Variants in RAB2B observed in about 807,000 individuals in gnomAD.
The protein encoded by RAB2B is RAB2B, member RAS oncogene family.
In RAB2B, 20 loss-of-function variants were observed where a neutral mutation model predicts 29.8. The ratio of observed to expected loss-of-function variants is 0.67; its 90% CI spans 0.47 to 0.97. The LOEUF (loss-of-function observed/expected upper bound fraction) is 0.97, where lower values mean the gene tolerates loss of function less well. Among genes scored for constraint, RAB2B ranks in the 50% least tolerant of loss-of-function variants. The pLI, the probability that RAB2B is intolerant of heterozygous loss-of-function variation, is 0.00. For missense variants in RAB2B, 218 were observed against 272.0 expected (o/e 0.80, Z 1.40); for synonymous variants, 93 against 91.7 (o/e 1.01, Z -0.08).
rs1953986694 is a variant in RAB2B at position 21,468,425 on chromosome 14, G to A, written c.294C>T (p.Thr98=). ...ITRRETFNHL[T]SWLEDARQHS... is the part of the protein sequence containing the mutation. ...GCTGCCGGGCATCCTCTAACCATGAGGTCAGGTGGTTGAAGGTTTCACGCC... is the reference window on the plus strand; with the variant it reads ...GCTGCCGGGCATCCTCTAACCATGAAGTCAGGTGGTTGAAGGTTTCACGCC... The change falls in exon 5 of 8, where the codon ACC becomes ACT. Residue 98 remains threonine, a synonymous_variant. Transcript: ENST00000397762. The A allele has an allele frequency of 6.2e-7, 1 of 1,613,828 alleles. No individual in the cohort carries two copies. Among genetic ancestry groups the A allele is most frequent in the African/African-American group, 1.3e-5 (1 of 74,842 alleles).
Position 21,461,180 on chromosome 14 carries a change from A to G in RAB2B, c.*16T>C, listed in dbSNP as rs1209681939. The G allele has an allele frequency of 1.3e-6, 2 of 1,583,294 alleles. No individual in the cohort carries two copies. The highest frequency in any genetic ancestry group is 1.7e-6 in the Non-Finnish European group (2 of 1,157,644). Reference sequence around the variant, plus strand: ...AAGCTATTCCAGGAAGGACAAAAAAAGTTCAAGCCAGATGTTCAGCAGCAG... The same window carrying G: ...AAGCTATTCCAGGAAGGACAAAAAAGGTTCAAGCCAGATGTTCAGCAGCAG... On this transcript the variant is annotated 3_prime_UTR_variant, in exon 8 of 8. Coordinates refer to ENST00000397762, the MANE Select transcript of RAB2B (RefSeq NM_032846.4).
Position 21,461,091 on chromosome 14 carries a change from C to CTTT in RAB2B, c.*102_*104dup. The CTTT allele has an allele frequency of 1.2e-6, 1 of 822,436 alleles. No individual in the cohort carries two copies. The highest frequency in any genetic ancestry group is 1.7e-5 in the South Asian group (1 of 57,518). 50.9% of individuals were successfully genotyped at this position (822,436 alleles called of 1,614,324 possible). On this transcript the variant is annotated 3_prime_UTR_variant, in exon 8 of 8. Transcript: ENST00000397762. ...TTAGGTGGAAAGGCAAAACATCACA[C>CTTT]TTTAAAAAGAGGCTGCTCTCAGCCA...
chr14:21,461,428 T>A, intron 7 of RAB2B, 125 bp from the exon 8 acceptor site: 1 of 611,974 alleles, frequency 1.6e-6, no homozygotes, highest in Non-Finnish European at 2.7e-6. Context: ...GAGAAATCAT[T>A]AATTATATTT....
intron 3 of RAB2B, among the ~76,000 whole-genome samples, chr14:21,472,746 A>T (rs7158389): frequency 0.97 from 147,214 of 152,054 alleles, 71,307 homozygotes; most frequent in East Asian, 1. Context: ...TTGTTTTTCT[A>T]TGTATGCATT....
intron 7 of RAB2B, among the ~76,000 whole-genome samples, chr14:21,461,944 A>G (rs1398221417): frequency 1.3e-5 from 2 of 152,224 alleles, no homozygotes; most frequent in Non-Finnish European, 1.5e-5. Flanking sequence ...GTGACGAGGT[A>G]GAAGTGGAGG....
intron 3 of RAB2B, among the ~76,000 whole-genome samples, chr14:21,470,625 G>T (rs10146118): frequency 6.6e-6 from 1 of 151,922 alleles, no homozygotes; most frequent in Non-Finnish European, 1.5e-5. Context: ...AATACTTACA[G>T]TTTTATATTT....
At chr14:21,476,705 G>T in intron 1 of RAB2B, 106 bp from the exon 2 acceptor site, 2 of 979,600 alleles carry the variant, frequency 2.0e-6, no homozygotes, top group Non-Finnish European at 2.8e-6. Flanking sequence ...GCCCCCGGCC[G>T]CCCCGAACCG....
rs1392958858 is a variant in RAB2B at position 21,468,373 on chromosome 14, G to A, written c.346C>T (p.Leu116Phe). 1 of 1,613,444 alleles carries A rather than the reference G, an allele frequency of 6.2e-7. No homozygotes were observed. The highest frequency in any genetic ancestry group is 1.1e-5 in the South Asian group (1 of 91,046). Reference protein sequence around the residue: ...QHSSSNMVIMLIGNKSDLESR... With the variant: ...QHSSSNMVIMFIGNKSDLESR... ...CAATTTTACCTCTTATTCCCAATGA[G>A]CATGATAACCATGTTGGAACTAGAG... The change falls in exon 5 of 8, where the codon CTC becomes TTC. Residue 116 changes from leucine to phenylalanine, a missense_variant. By Grantham distance (22) the Leu-to-Phe change is conservative (BLOSUM62 0). Transcript: ENST00000397762.
intron 2 of RAB2B, among the ~76,000 whole-genome samples, chr14:21,475,417 C>T (rs1890924055): frequency 6.8e-6 from 1 of 147,310 alleles, no homozygotes; most frequent in South Asian, 2.1e-4. Flanking sequence ...GAAATAGGTT[C>T]TCAGAAACAA....
chr14:21,462,255 G>T, intron 7 of RAB2B, 95 bp downstream of exon 7: 110 of 847,966 alleles, frequency 1.3e-4, no homozygotes, highest in Middle Eastern at 2.4e-4. Flanking sequence ...ATTGTATAAT[G>T]ATAGATGGGG....
At chr14:21,464,410 GA>G (rs35916460) in intron 5 of RAB2B, among the ~76,000 whole-genome samples, 55,540 of 151,668 alleles carry the variant, frequency 0.37, 12,695 homozygotes, top group South Asian at 0.59. Context: ...GGGCGGGGAA[GA>G]AAAAAAGGAA....
chr14:21,463,705 C>T lies in RAB2B; in HGVS notation c.425G>A (p.Gly142Glu). 1 of 1,614,024 alleles carries T rather than the reference C, an allele frequency of 6.2e-7. No individual in the cohort carries two copies. Among genetic ancestry groups the T allele is most frequent in the Non-Finnish European group, 8.5e-7 (1 of 1,179,950 alleles). Residue 142 changes from glycine (G) to glutamate (E), a missense_variant, in exon 6 of 8, where the codon GGA becomes GAA. Physicochemically the swap from Gly to Glu is moderately conservative, Grantham distance 98. Transcript: ENST00000397762. Reference protein sequence around the residue: ...EEGEAFAREHGLIFMETSAKT... With the variant: ...EEGEAFAREHELIFMETSAKT... ...GGCTGAAGTTTCCATGAATATAAGTCCATGCTCCCTAGCAAAGGCCTCTCC... is the reference window on the plus strand; with the variant it reads ...GGCTGAAGTTTCCATGAATATAAGTTCATGCTCCCTAGCAAAGGCCTCTCC...
chr14:21,476,328 C>A, intron 2 of RAB2B, 200 bp downstream of exon 2: 1 of 574,580 alleles, frequency 1.7e-6, no homozygotes, highest in African/African-American at 1.9e-5. Context: ...AAAAAGTTAC[C>A]TTTCAATTAT....
chr14:21,474,196 A>G (rs1333816221), intron 3 of RAB2B, among the ~76,000 whole-genome samples: 1 of 152,182 alleles, frequency 6.6e-6, no homozygotes, highest in African/African-American at 2.4e-5. Context: ...TGTCTCAAAA[A>G]AAAGAATGCT....
At chr14:21,471,238 A>G (rs2139603322) in intron 3 of RAB2B, among the ~76,000 whole-genome samples, 1 of 152,006 alleles carries the variant, frequency 6.6e-6, no homozygotes, top group African/African-American at 2.4e-5. Flanking sequence ...AAGTTTGTGA[A>G]CCAGTAAGCT....
chr14:21,476,791 C>T (rs1413631610), intron 1 of RAB2B, 36 bp downstream of exon 1: 2 of 1,611,888 alleles, frequency 1.2e-6, no homozygotes, highest in Admixed American at 1.7e-5. Flanking sequence ...TTCGAATGCC[C>T]GCCCGAGCCT....
chr14:21,465,157 C>T (rs1890658739), intron 5 of RAB2B, among the ~76,000 whole-genome samples: 1 of 152,156 alleles, frequency 6.6e-6, no homozygotes, highest in African/African-American at 2.4e-5. Flanking sequence ...AACAAATCTA[C>T]AATATTTTAA....
intron 3 of RAB2B, among the ~76,000 whole-genome samples, chr14:21,472,347 C>CTT: frequency 6.6e-6 from 1 of 152,246 alleles, no homozygotes; most frequent in East Asian, 1.9e-4. Flanking sequence ...TTTGGACAAC[C>CTT]TGATCTCTTT....
intron 3 of RAB2B, among the ~76,000 whole-genome samples, chr14:21,469,282 T>A (rs562785428): frequency 1.7e-3 from 254 of 152,294 alleles, no homozygotes; most frequent in African/African-American, 6.0e-3. Flanking sequence ...TTCCAATGAA[T>A]CAATATAAAA....
Sources: gnomAD v4.1 joint callset for allele counts (sites outside exome capture counted in the v4.1 genomes callset) on GRCh38, gnomAD v4.1.1 for gene constraint, MANE v1.5 for transcripts, NCBI Gene and HGNC (gene_info 2026-07-23, HGNC 2026-07-21) for gene names.